The following EPS8 variants were observed in gnomAD, a reference collection of about 807,000 sequenced individuals.
EPS8 encodes the protein EGFR pathway substrate 8, signaling adaptor, also known as epidermal growth factor receptor kinase substrate 8.
EPS8 carries 42 observed loss-of-function variants against 103.8 expected under a neutral mutation model. The observed-to-expected ratio is 0.40, with a 90% CI of 0.32 to 0.52. EPS8 has a LOEUF of 0.52. Among genes scored for constraint, EPS8 ranks in the 20% least tolerant of loss-of-function variants. The pLI is 0.40. For synonymous variants in EPS8, 344 were observed against 344.6 expected (o/e 1.00, Z 0.02); for missense variants, 969 against 1,005.1 (o/e 0.96, Z 0.49).
In EPS8 at chr12:15,725,710, T is replaced by C. The variant is rs1288532655; in HGVS notation, c.-21-42738A>G. Reference sequence around the variant, plus strand: ...TTAAAAGAATCCTGACTCATCATCATCAAATAACAGAGAAATGAACAAAAA... The same window carrying C: ...TTAAAAGAATCCTGACTCATCATCACCAAATAACAGAGAAATGAACAAAAA... On this transcript the variant is annotated intron_variant, in intron 1 of 20. Transcript: ENST00000281172. The surrounding 1 kb of genome is among the most constrained non-coding windows in gnomAD (Gnocchi z 4.5). Among the ~76,000 whole-genome samples, 1 of 152,136 alleles carries C rather than the reference T, an allele frequency of 6.6e-6. No individual in the cohort carries two copies. The highest frequency in any genetic ancestry group is 1.5e-5 in the Non-Finnish European group (1 of 68,022).
intron 1 of EPS8, among the ~76,000 whole-genome samples, chr12:15,723,499 TTGTATA>T (rs1946621017): frequency 6.6e-6 from 1 of 152,182 alleles, no homozygotes; most frequent in Non-Finnish European, 1.5e-5. Flanking sequence ...GGATTTTTAA[TTGTATA>T]TGTATAAGGT....
intron 14 of EPS8, among the ~76,000 whole-genome samples, chr12:15,649,303 A>C (rs1945372721): frequency 6.6e-6 from 1 of 152,220 alleles, no homozygotes; most frequent in African/African-American, 2.4e-5. Flanking sequence ...TGAATTTCTG[A>C]GGCATACATT....
chr12:15,670,063 G>A (rs559009306), intron 4 of EPS8, among the ~76,000 whole-genome samples: 4 of 152,204 alleles, frequency 2.6e-5, no homozygotes, highest in South Asian at 2.1e-4. Context: ...GTTTCATACG[G>A]AGCCATGTTG....
intron 10 of EPS8, among the ~76,000 whole-genome samples, chr12:15,660,120 T>C (rs1477869485): frequency 6.6e-6 from 1 of 152,160 alleles, no homozygotes; most frequent in Non-Finnish European, 1.5e-5. Flanking sequence ...TCACTATAGC[T>C]GACTTATAAC....
chr12:15,642,676 C>T (rs1311531579), intron 15 of EPS8, among the ~76,000 whole-genome samples: 3 of 151,998 alleles, frequency 2.0e-5, no homozygotes, highest in Non-Finnish European at 2.9e-5. Context: ...ATTTACATTC[C>T]CACATTTATT....
At chr12:15,634,124 T>A (rs866758941) in intron 17 of EPS8, among the ~76,000 whole-genome samples, 32 of 152,212 alleles carry the variant, frequency 2.1e-4, no homozygotes, top group African/African-American at 6.5e-4. Flanking sequence ...AAAGAAATTC[T>A]GACTAACTGT....
Position 15,749,630 on chromosome 12 carries a change from A to G in EPS8, c.-22+39531T>C, listed in dbSNP as rs1273574065. On this transcript the variant is annotated intron_variant, in intron 1 of 20. Coordinates refer to ENST00000281172, the MANE Select transcript of EPS8 (RefSeq NM_004447.6). The surrounding 1 kb of genome is among the most constrained non-coding windows in gnomAD (Gnocchi z 4.0). Reference sequence around the variant, plus strand: ...TAAATACTTGATGATGACAATAACCATTATGATAGTGGTAGTGGTAGGAAG... The same window carrying G: ...TAAATACTTGATGATGACAATAACCGTTATGATAGTGGTAGTGGTAGGAAG... 6.6e-6 allele frequency among the ~76,000 whole-genome samples: 1 copy of G among 152,184 alleles called. No individual in the cohort carries two copies. Among genetic ancestry groups the G allele is most frequent in the Non-Finnish European group, 1.5e-5 (1 of 68,028 alleles).
In EPS8 at chr12:15,698,416, AC is replaced by A. The variant is rs1946268932; in HGVS notation, c.-21-15445del. ...CAAGCAGTGTCAACTAGACTCCCCAACCCCCGCTCTTTAAGTTAACCTCATC... is the reference window on the plus strand; with the variant it reads ...CAAGCAGTGTCAACTAGACTCCCCAACCCCGCTCTTTAAGTTAACCTCATC... On this transcript the variant is annotated intron_variant, in intron 1 of 20. Transcript: ENST00000281172. This position sits in a 1 kb window ranked among gnomAD's most constrained non-coding sequence, Gnocchi z 4.9. 6.6e-6 allele frequency among the ~76,000 whole-genome samples: 1 copy of A among 151,874 alleles called. No individual in the cohort carries two copies. The highest frequency in any genetic ancestry group is 2.4e-5 in the African/African-American group (1 of 41,340).
rs572288148 is a variant in EPS8, at chr12:15,781,552, G to A, written c.-22+7609C>T. On this transcript the variant is annotated intron_variant, in intron 1 of 20. Transcript: ENST00000281172. This position sits in a 1 kb window ranked among gnomAD's most constrained non-coding sequence, Gnocchi z 4.1. ...GTAACAGTGAAAGAAGATAATGTAT[G>A]TAACACCTGCCACACAAAAGGTACT... 6.6e-6 allele frequency among the ~76,000 whole-genome samples: 1 copy of A among 152,298 alleles called. No homozygotes were observed. The highest frequency in any genetic ancestry group is 2.4e-5 in the African/African-American group (1 of 41,574).
At chr12:15,671,018 C>T in intron 3 of EPS8, 95 bp from the exon 4 acceptor site, 1 of 820,440 alleles carries the variant, frequency 1.2e-6, no homozygotes. Context: ...TAGTCTATCT[C>T]ACATATAAAT....
chr12:15,663,948 A>ATAT (rs1565487267), intron 8 of EPS8, among the ~76,000 whole-genome samples: 1 of 49,418 alleles, frequency 2.0e-5, no homozygotes, highest in African/African-American at 5.9e-5. Flanking sequence ...AAAAAAAAAT[A>ATAT]ATATATATAT....
intron 1 of EPS8, among the ~76,000 whole-genome samples, chr12:15,685,330 T>A (rs1946077180): frequency 6.6e-6 from 1 of 151,974 alleles, no homozygotes; most frequent in Non-Finnish European, 1.5e-5. Context: ...AAAGATGAAA[T>A]GAGATAGATG....
chr12:15,647,951 C>T (rs1333716287), intron 14 of EPS8, among the ~76,000 whole-genome samples: 1 of 152,210 alleles, frequency 6.6e-6, no homozygotes, highest in Non-Finnish European at 1.5e-5. Flanking sequence ...ACTGTTCCTC[C>T]TCAGATCATC....
intron 17 of EPS8, among the ~76,000 whole-genome samples, chr12:15,635,160 C>T (rs1008847222): frequency 1.3e-5 from 2 of 152,062 alleles, no homozygotes; most frequent in Admixed American, 1.3e-4. Context: ...CATGCATTAT[C>T]GTGTGATTGT....
At chr12:15,665,371 G>A (rs1945688767) in intron 8 of EPS8, 1 of 157,210 alleles carries the variant, frequency 6.4e-6, no homozygotes, top group African/African-American at 2.6e-5. Flanking sequence ...TGGTCTTGTT[G>A]TCCAGGCTGG....
At chr12:15,753,995 G>A (rs1946959665) in intron 1 of EPS8, among the ~76,000 whole-genome samples, 1 of 152,182 alleles carries the variant, frequency 6.6e-6, no homozygotes, top group Non-Finnish European at 1.5e-5. Context: ...AGAGCCAATG[G>A]TTCACCCACC....
rs1178121954 is a variant in EPS8 at position 15,778,160 on chromosome 12, C to A, written c.-22+11001G>T. On this transcript the variant is annotated intron_variant, in intron 1 of 20. Transcript: ENST00000281172. The surrounding 1 kb of genome is among the most constrained non-coding windows in gnomAD (Gnocchi z 4.5). ...TCAGGCTAGGCCACCATGGATTATT[C>A]ATTTTAAAATAGAAGTGATAATACT... 2.6e-5 allele frequency among the ~76,000 whole-genome samples: 4 copies of A among 152,106 alleles called. No homozygotes were observed. Among genetic ancestry groups the A allele is most frequent in the Non-Finnish European group, 4.4e-5 (3 of 68,016 alleles).
At chr12:15,755,516 C>T (rs1443457655) in intron 1 of EPS8, among the ~76,000 whole-genome samples, 1 of 152,042 alleles carries the variant, frequency 6.6e-6, no homozygotes, top group Non-Finnish European at 1.5e-5. Flanking sequence ...TGGGTTGTTG[C>T]AGGTATTGCA....
chr12:15,718,920 A>AT (rs1454776514), intron 1 of EPS8, among the ~76,000 whole-genome samples: 15 of 152,110 alleles, frequency 9.9e-5, no homozygotes, highest in Admixed American at 9.2e-4. Context: ...TTTCTGGAGT[A>AT]TTTTTACCTT....
Sources: allele counts gnomAD v4.1 joint callset (sites outside exome capture counted in the v4.1 genomes callset), GRCh38; gene constraint gnomAD v4.1.1; non-coding constraint Gnocchi (gnomAD v3.1); transcripts MANE v1.5; gene names NCBI Gene and HGNC (gene_info 2026-07-23, HGNC 2026-07-21).